Variants in ANKRD30A observed in about 807,000 individuals in gnomAD.
ANKRD30A encodes the protein ankyrin repeat domain 30A.
A neutral mutation model predicts 166.3 loss-of-function variants in ANKRD30A; 170 were observed. The observed-to-expected ratio is 1.02, with a 90% CI of 0.90 to 1.16. The LOEUF is 1.16. Among genes scored for constraint, ANKRD30A ranks in the 50% most tolerant of loss-of-function variants. The pLI, the probability that ANKRD30A is intolerant of heterozygous loss-of-function variation, is 0.00. For synonymous variants in ANKRD30A, 564 were observed against 508.9 expected (o/e 1.11, Z -1.46); for missense variants, 1,630 against 1,518.0 (o/e 1.07, Z -1.23).
chr10:37,161,862 C>T (rs981924899), intron 15 of ANKRD30A, among the ~76,000 whole-genome samples: 13 of 152,118 alleles, frequency 8.5e-5, no homozygotes, highest in African/African-American at 1.9e-4. Context: ...CCGAACCAGA[C>T]GAATTGTAGG....
chr10:37,205,103 A>T (rs1017278286), intron 31 of ANKRD30A, among the ~76,000 whole-genome samples: 16 of 152,312 alleles, frequency 1.1e-4, no homozygotes, highest in African/African-American at 3.4e-4. Context: ...TACTGGTTAT[A>T]TACCCAAAGG....
intron 34 of ANKRD30A, among the ~76,000 whole-genome samples, chr10:37,227,331 A>G (rs1843205584): frequency 6.6e-6 from 1 of 151,946 alleles, no homozygotes. Context: ...TGGGACTCCA[A>G]CTTTTTTCTT....
At chr10:37,134,128 A>G in intron 5 of ANKRD30A, 75 bp downstream of exon 5, 3 of 1,545,904 alleles carry the variant, frequency 1.9e-6, no homozygotes, top group Non-Finnish European at 2.6e-6. Context: ...CAGTGAGTTC[A>G]CTTCATCAGC....
At chr10:37,199,852 T>C in intron 30 of ANKRD30A, 64 bp downstream of exon 30, 1 of 1,014,132 alleles carries the variant, frequency 9.9e-7, no homozygotes, top group South Asian at 1.4e-5. Flanking sequence ...TAAAATCAGA[T>C]GCTTAGACTT....
At chr10:37,212,307 T>C (rs577301906) in intron 31 of ANKRD30A, among the ~76,000 whole-genome samples, 2 of 152,106 alleles carry the variant, frequency 1.3e-5, no homozygotes, top group East Asian at 3.9e-4. Flanking sequence ...GAATCCAACT[T>C]ACAAGGGATG....
intron 27 of ANKRD30A, among the ~76,000 whole-genome samples, chr10:37,194,270 T>C (rs1840865555): frequency 6.6e-6 from 1 of 152,132 alleles, no homozygotes; most frequent in Non-Finnish European, 1.5e-5. Flanking sequence ...TTTCATGTCT[T>C]ATAGGCTATG....
the ANKRD30A span, among the ~76,000 whole-genome samples, chr10:37,242,320 T>C: frequency 2.6e-5 from 4 of 152,226 alleles, no homozygotes; most frequent in Non-Finnish European, 4.4e-5. Context: ...CATCCTATCA[T>C]TGGACCACAG....
intron 15 of ANKRD30A, among the ~76,000 whole-genome samples, chr10:37,161,479 T>A (rs1315332179): frequency 1.3e-5 from 2 of 152,154 alleles, no homozygotes; most frequent in Non-Finnish European, 2.9e-5. Flanking sequence ...TTATTTATTT[T>A]TTTAGTTGAA....
intron 25 of ANKRD30A, among the ~76,000 whole-genome samples, chr10:37,191,927 G>A (rs896068527): frequency 2.6e-5 from 4 of 152,010 alleles, no homozygotes; most frequent in East Asian, 1.9e-4. Context: ...CCCGCGAGGC[G>A]GAGCTTGTGG....
chr10:37,215,862 C>T (rs1372776229), intron 31 of ANKRD30A, among the ~76,000 whole-genome samples: 1 of 151,456 alleles, frequency 6.6e-6, no homozygotes, highest in African/African-American at 2.4e-5. Flanking sequence ...CTTTATTCCA[C>T]AGTGTAGCCA....
chr10:37,139,929 C>G (rs1836986565), intron 6 of ANKRD30A, among the ~76,000 whole-genome samples: 1 of 152,172 alleles, frequency 6.6e-6, no homozygotes, highest in Non-Finnish European at 1.5e-5. Flanking sequence ...AAATCTCTTT[C>G]TTTTGACTCC....
intron 31 of ANKRD30A, among the ~76,000 whole-genome samples, chr10:37,209,904 T>C (rs1842194429): frequency 6.6e-6 from 1 of 152,130 alleles, no homozygotes; most frequent in Admixed American, 6.6e-5. Context: ...GTTGGATCTT[T>C]TACATAAAAA....
Position 37,219,443 on chromosome 10 carries a change from A to C in ANKRD30A, c.3731A>C (p.Tyr1244Ser). The change falls in exon 34 of 36, where the codon TAT becomes TCT. Residue 1244 changes from tyrosine (Y) to serine (S), a missense_variant. Tyr to Ser is a moderately radical substitution (Grantham distance 144). Around this residue, in one of 4 missense-constraint regions of ANKRD30A, gnomAD observed 712 missense variants for 629.3 expected, o/e 1.13. Transcript: ENST00000361713. Reference protein sequence around the residue: ...KMNVDVSSTIYNNEVLHQPLS... With the variant: ...KMNVDVSSTISNNEVLHQPLS... Reference sequence around the variant, plus strand: ...AATGTTGATGTGAGTAGTACGATATATAACAATGAGGTGCTCCATCAACCA... The same window carrying C: ...AATGTTGATGTGAGTAGTACGATATCTAACAATGAGGTGCTCCATCAACCA... 1 of 1,610,416 alleles carries C rather than the reference A, an allele frequency of 6.2e-7. No individual in the cohort carries two copies. The highest frequency in any genetic ancestry group is 8.5e-7 in the Non-Finnish European group (1 of 1,177,688).
chr10:37,241,743 T>A, the ANKRD30A span, among the ~76,000 whole-genome samples: 1 of 152,310 alleles, frequency 6.6e-6, no homozygotes, highest in South Asian at 2.1e-4. Flanking sequence ...AGTGCTGATT[T>A]ATATGGATCT....
rs114814414 is a variant in ANKRD30A, at chr10:37,200,713, T to C, written c.2779-522T>C. The stretch of plus-strand genomic sequence containing the variant: ...AAAACTTGTTGCTGATTTTAAGCCC[T>C]TGTTTATCAAAATAAAGCAGCTTTT... On this transcript the variant is annotated intron_variant, in intron 30 of 35. Coordinates refer to ENST00000361713, the MANE Select transcript of ANKRD30A (RefSeq NM_052997.3). 4.9e-3 allele frequency among the ~76,000 whole-genome samples: 744 copies of C among 152,234 alleles called. 6 individuals carry two copies. Among genetic ancestry groups the C allele is most frequent in the African/African-American group, 0.017 (714 of 41,564 alleles).
chr10:37,177,721 A>C (rs1839841134), intron 24 of ANKRD30A: 1 of 1,493,668 alleles, frequency 6.7e-7, no homozygotes, highest in Non-Finnish European at 9.2e-7. Context: ...GCTGCGCATC[A>C]AAAAGAAATA....
At chr10:37,197,120 G>A (rs546540515) in intron 27 of ANKRD30A, among the ~76,000 whole-genome samples, 161 bp from the exon 28 acceptor site, 6 of 151,826 alleles carry the variant, frequency 4.0e-5, no homozygotes, top group Admixed American at 6.6e-5. Flanking sequence ...TATTCTTGTC[G>A]TGTGTGTGTC....
rs780853654 is a variant in ANKRD30A, at chr10:37,158,613, C to G, written c.1900+27C>G. 2.1e-5 allele frequency: 33 copies of G among 1,609,730 alleles called. No homozygotes were observed. In the African/African-American group the frequency reaches 4.1e-4, roughly 20 times the overall value. ...TAAATTTTGTAATTTTAATTTTACTCTGGAAAGGAGAATATTAAAATATTT... is the reference window on the plus strand; with the variant it reads ...TAAATTTTGTAATTTTAATTTTACTGTGGAAAGGAGAATATTAAAATATTT... On this transcript the variant is annotated intron_variant, in intron 15 of 35. Transcript: ENST00000361713.
At chr10:37,248,274 A>G in the ANKRD30A span, 358 of 552,820 alleles carry the variant, frequency 6.5e-4, 1 homozygote, top group Non-Finnish European at 1.3e-4. Context: ...TGTCACCTCA[A>G]AAAGGCCCTG....
Sources: gnomAD v4.1 joint callset for allele counts (sites outside exome capture counted in the v4.1 genomes callset) on GRCh38, gnomAD v4.1.1 for gene constraint, gnomAD v4.1.1 regional missense constraint, MANE v1.5 for transcripts, NCBI Gene and HGNC (gene_info 2026-07-23, HGNC 2026-07-21) for gene names.